The following EML5 variants were observed in gnomAD, a reference collection of about 807,000 sequenced individuals.
The protein encoded by EML5 is EMAP like 5.
EML5 carries 120 observed loss-of-function variants against 250.0 expected under a neutral mutation model. That is an observed-to-expected ratio of 0.48 (90% CI 0.41 to 0.56). The LOEUF is 0.56. Ranked by LOEUF, EML5 falls within the 20% of genes least tolerant of loss-of-function variation. The pLI is 0.00. For synonymous variants in EML5, 771 were observed against 806.5 expected (o/e 0.96, Z 0.75); for missense variants, 2,006 against 2,437.6 (o/e 0.82, Z 3.73).
chr14:88,791,358 A>C (rs2094606427), intron 1 of EML5, among the ~76,000 whole-genome samples: 1 of 152,192 alleles, frequency 6.6e-6, no homozygotes, highest in Non-Finnish European at 1.5e-5. Context: ...GCACCACACA[A>C]ACACATTCTC....
In EML5 at chr14:88,689,701, T is replaced by A. The variant is rs1047453903; in HGVS notation, c.2540-1228A>T. ...GTGAGCCATGATTGTGCCAGTACGC[T>A]CCAGCCTGCGTGACAGAGCAAAACC... On this transcript the variant is annotated intron_variant, in intron 17 of 43. Coordinates refer to ENST00000554922, the MANE Select transcript of EML5 (RefSeq NM_183387.3). Among the ~76,000 whole-genome samples, 3 of 151,838 alleles carry A rather than the reference T, an allele frequency of 2.0e-5. No homozygotes were observed. The East Asian group carries it at 5.8e-4, about 29-fold the overall frequency.
In EML5 at chr14:88,740,523, C is replaced by G. The variant is rs775360377; in HGVS notation, c.575G>C (p.Gly192Ala). The stretch of plus-strand genomic sequence containing the variant: ...TATTGTCTGAAGGTCACCCGTCTTA[C>G]CAAAGACACCTCGTTTTGGGGTCAG... ...NALTPKRGVFGKTGDLQTILC... is the reference protein window; with the variant it reads ...NALTPKRGVFAKTGDLQTILC... Residue 192 changes from glycine to alanine, a missense_variant, in exon 5 of 44, where the codon GGT becomes GCT. Gly to Ala is a moderately conservative substitution (Grantham distance 60, BLOSUM62 0). This residue lies in a region of EML5 where 1,375 missense variants were observed against 1,590.3 expected (regional missense o/e 0.86). Transcript: ENST00000554922. 2 of 1,613,264 alleles carry G rather than the reference C, an allele frequency of 1.2e-6. No homozygotes were observed. The highest frequency in any genetic ancestry group is 1.7e-6 in the Non-Finnish European group (2 of 1,179,638).
chr14:88,703,315 G>T (rs182478310), intron 13 of EML5, among the ~76,000 whole-genome samples: 33 of 152,296 alleles, frequency 2.2e-4, no homozygotes, highest in Admixed American at 2.2e-3. Flanking sequence ...GTAACTATCT[G>T]CAGAGAGGGG....
chr14:88,633,481 A>G (rs573652899), intron 33 of EML5, among the ~76,000 whole-genome samples: 2 of 152,266 alleles, frequency 1.3e-5, no homozygotes, highest in African/African-American at 4.8e-5. Flanking sequence ...ATATTCAAAA[A>G]CTATTTTTGT....
chr14:88,776,778 G>A (rs2094451104), intron 1 of EML5, among the ~76,000 whole-genome samples: 1 of 151,926 alleles, frequency 6.6e-6, no homozygotes. Flanking sequence ...CTACTCAGAA[G>A]GCTAAGGTGA....
intron 1 of EML5, among the ~76,000 whole-genome samples, chr14:88,769,797 A>C (rs1210928900): frequency 1.3e-5 from 2 of 152,186 alleles, no homozygotes; most frequent in African/African-American, 4.8e-5. Context: ...ATCCGAAACC[A>C]CAGGGCTCAT....
intron 28 of EML5, among the ~76,000 whole-genome samples, chr14:88,649,233 A>G (rs1346147102): frequency 6.6e-6 from 1 of 152,092 alleles, no homozygotes; most frequent in Non-Finnish European, 1.5e-5. Context: ...ACAGGGTCTC[A>G]TCATGTTGTC....
intron 1 of EML5, among the ~76,000 whole-genome samples, chr14:88,760,285 AT>A (rs1300832141): frequency 6.6e-6 from 1 of 152,178 alleles, no homozygotes; most frequent in Non-Finnish European, 1.5e-5. Context: ...TTTGTCTTAC[AT>A]TTAAAGCTAC....
At chr14:88,740,805 T>C (rs1049531703) in intron 4 of EML5, among the ~76,000 whole-genome samples, 4 of 152,146 alleles carry the variant, frequency 2.6e-5, no homozygotes, top group Admixed American at 2.6e-4. Context: ...AATAAGGGGT[T>C]TGAATCAGAT....
chr14:88,661,666 T>G lies in EML5; in HGVS notation c.3663A>C (p.Arg1221Ser). 6.2e-7 allele frequency: 1 copy of G among 1,612,290 alleles called. No homozygotes were observed. The change falls in exon 25 of 44, where the codon AGA becomes AGC. Residue 1221 changes from arginine to serine, a missense_variant. Coordinates refer to ENST00000554922, the MANE Select transcript of EML5 (RefSeq NM_183387.3). ...GDDLGFVKLF[R>S]YPTKGKFGKF... ...GAAAAACACATACTTTAGTAGGATA[T>G]CTAAATAACTTCACAAATCCCAAAT...
At position 88,792,781 on chromosome 14, in the gene EML5, T is replaced by A. The variant is rs2094623537; in HGVS notation, c.-278A>T. ...CCTTCGCCCGCCTCGGCTCGCCTAG[T>A]CTCCTCAGCCCGTAGCGCCTGGGCC... On this transcript the variant is annotated 5_prime_UTR_variant, in exon 1 of 44. Coordinates refer to ENST00000554922, the MANE Select transcript of EML5 (RefSeq NM_183387.3). The surrounding 1 kb of genome is among the most constrained non-coding windows in gnomAD (Gnocchi z 6.9). The A allele has an allele frequency of 9.8e-7, 1 of 1,018,846 alleles. No individual in the cohort carries two copies. The highest frequency in any genetic ancestry group is 4.6e-5 in the South Asian group (1 of 21,526). 63.1% of individuals were successfully genotyped at this position (1,018,846 alleles called of 1,614,324 possible).
At chr14:88,691,408 T>C (rs934083529) in intron 17 of EML5, among the ~76,000 whole-genome samples, 1 of 152,222 alleles carries the variant, frequency 6.6e-6, no homozygotes, top group African/African-American at 2.4e-5. Flanking sequence ...ATTTACTATC[T>C]GGCCATTTAT....
chr14:88,630,835 A>G (rs916517276), intron 33 of EML5, among the ~76,000 whole-genome samples: 9 of 152,212 alleles, frequency 5.9e-5, no homozygotes, highest in Non-Finnish European at 1.3e-4. Flanking sequence ...CATGACCACA[A>G]ATGCAACCAG....
chr14:88,708,750 G>T (rs1014580529), intron 10 of EML5, among the ~76,000 whole-genome samples: 1 of 151,996 alleles, frequency 6.6e-6, no homozygotes, highest in African/African-American at 2.4e-5. Flanking sequence ...ACCTCTTTTG[G>T]ACTCCATTTT....
At chr14:88,655,009 G>C (rs2091813119) in intron 27 of EML5, among the ~76,000 whole-genome samples, 1 of 152,066 alleles carries the variant, frequency 6.6e-6, no homozygotes, top group Admixed American at 6.6e-5. Context: ...TTGTTGCATT[G>C]ATCCCTTTAC....
chr14:88,682,542 G>A, intron 20 of EML5, among the ~76,000 whole-genome samples: 1 of 152,072 alleles, frequency 6.6e-6, no homozygotes. Context: ...TTTAAACTGA[G>A]ATCCACTCCC....
chr14:88,694,802 A>C (rs2093038639), intron 16 of EML5, among the ~76,000 whole-genome samples: 1 of 152,220 alleles, frequency 6.6e-6, no homozygotes, highest in Admixed American at 6.5e-5. Context: ...TATATGCTCC[A>C]TAAAAAGCAT....
intron 8 of EML5, among the ~76,000 whole-genome samples, chr14:88,723,752 T>C (rs939074124): frequency 6.6e-6 from 1 of 152,166 alleles, no homozygotes; most frequent in African/African-American, 2.4e-5. Flanking sequence ...TTAATGAAGC[T>C]GGGGGGACAC....
intron 30 of EML5, 133 bp from the exon 31 acceptor site, chr14:88,643,155 A>C: frequency 2.3e-6 from 2 of 864,598 alleles, no homozygotes; most frequent in Non-Finnish European, 3.3e-6. Context: ...TACAAACTTA[A>C]TATACAAAAT....
Sources: allele counts gnomAD v4.1 joint callset (sites outside exome capture counted in the v4.1 genomes callset), GRCh38; gene constraint gnomAD v4.1.1; regional missense constraint gnomAD v4.1.1; non-coding constraint Gnocchi (gnomAD v3.1); transcripts MANE v1.5; gene names NCBI Gene and HGNC (gene_info 2026-07-23, HGNC 2026-07-21).